The following EVI5 variants were observed in gnomAD, a reference collection of about 807,000 sequenced individuals.
EVI5 encodes ecotropic viral integration site 5 protein homolog.
Under a neutral mutation model 112.0 loss-of-function variants are expected in EVI5, and 73 were observed. The observed-to-expected ratio is 0.65, with a 90% CI of 0.54 to 0.79. The LOEUF (loss-of-function observed/expected upper bound fraction) is 0.79. Ranked by LOEUF, EVI5 falls within the 30% of genes least tolerant of loss-of-function variation. The pLI is 0.00. For missense variants in EVI5, 900 were observed against 968.8 expected (o/e 0.93, Z 0.94); for synonymous variants, 305 against 319.9 (o/e 0.95, Z 0.50).
At position 92,663,403 on chromosome 1, in the gene EVI5, C is replaced by T; in HGVS notation, c.1245+17G>A. ...GAGAAGATGTTTTAAAAAACTAAAACAAAACAAAAACTATACCTGTATCAA... is the reference window on the plus strand; with the variant it reads ...GAGAAGATGTTTTAAAAAACTAAAATAAAACAAAAACTATACCTGTATCAA... On this transcript the variant is annotated intron_variant, in intron 12 of 19. Transcript: ENST00000684568. 5.1e-6 allele frequency: 7 copies of T among 1,362,274 alleles called. No individual in the cohort carries two copies. In the South Asian group the frequency reaches 7.5e-5, roughly 15 times the overall value. The allele number at this position is 1,362,274 out of a possible 1,614,324, so 84.4% of individuals were successfully genotyped here.
chr1:92,688,669 A>G (rs920774974), intron 9 of EVI5, among the ~76,000 whole-genome samples: 2 of 152,226 alleles, frequency 1.3e-5, no homozygotes, highest in African/African-American at 4.8e-5. Flanking sequence ...TGTAGGAAAG[A>G]CTATAGATAG....
At chr1:92,613,027 G>A (rs968026813) in intron 16 of EVI5, among the ~76,000 whole-genome samples, 3 of 152,182 alleles carry the variant, frequency 2.0e-5, no homozygotes, top group Admixed American at 1.3e-4. Context: ...TCATGGTACA[G>A]GACTCAAGAA....
intron 14 of EVI5, among the ~76,000 whole-genome samples, chr1:92,629,661 T>G (rs551833889): frequency 6.6e-6 from 1 of 150,868 alleles, no homozygotes; most frequent in East Asian, 1.9e-4. Flanking sequence ...ATTTTCTTTT[T>G]TTTTCTTTTT....
intron 19 of EVI5, among the ~76,000 whole-genome samples, chr1:92,553,060 T>C (rs560385864): frequency 5.9e-5 from 9 of 152,126 alleles, no homozygotes; most frequent in Middle Eastern, 3.2e-3. Context: ...TTATACTTTA[T>C]GAATATAACA....
intron 18 of EVI5, among the ~76,000 whole-genome samples, chr1:92,598,730 A>T (rs1050914569): frequency 2.6e-5 from 4 of 152,190 alleles, no homozygotes; most frequent in African/African-American, 9.7e-5. Flanking sequence ...TATAGCAAAA[A>T]ACCCACCAAT....
chr1:92,695,805 A>G (rs1670231259), intron 6 of EVI5, among the ~76,000 whole-genome samples: 2 of 152,338 alleles, frequency 1.3e-5, no homozygotes, highest in East Asian at 3.9e-4. Flanking sequence ...AAAGAAAATA[A>G]ATGGTATGTT....
chr1:92,630,741 C>A (rs1367340632), intron 14 of EVI5, among the ~76,000 whole-genome samples: 6 of 152,110 alleles, frequency 3.9e-5, no homozygotes, highest in Admixed American at 3.9e-4. Context: ...GAAGTCCTTG[C>A]CCACGCCTAT....
At chr1:92,537,041 A>T (rs941197530) in intron 19 of EVI5, among the ~76,000 whole-genome samples, 2 of 152,326 alleles carry the variant, frequency 1.3e-5, no homozygotes, top group Admixed American at 6.5e-5. Flanking sequence ...CACTGTGCAG[A>T]CAACTACCAC....
chr1:92,691,333 AAAT>A (rs1669471242), intron 9 of EVI5, among the ~76,000 whole-genome samples: 1 of 152,194 alleles, frequency 6.6e-6, no homozygotes, highest in African/African-American at 2.4e-5. Context: ...ACTTTGAAAA[AAAT>A]AAATATGACA....
At chr1:92,542,187 G>A (rs1002112931) in intron 19 of EVI5, among the ~76,000 whole-genome samples, 7 of 152,080 alleles carry the variant, frequency 4.6e-5, no homozygotes, top group Non-Finnish European at 8.8e-5. Context: ...CTAAGTTTAC[G>A]GAATATTCTA....
chr1:92,515,541 AAAAACC>A (rs1218082019), intron 19 of EVI5, among the ~76,000 whole-genome samples: 1 of 152,186 alleles, frequency 6.6e-6, no homozygotes, highest in Non-Finnish European at 1.5e-5. Flanking sequence ...TGGAAGAGTA[AAAAACC>A]AAAACCAAAA....
At chr1:92,589,927 A>C (rs1431760262) in intron 18 of EVI5, among the ~76,000 whole-genome samples, 1 of 152,190 alleles carries the variant, frequency 6.6e-6, no homozygotes, top group Non-Finnish European at 1.5e-5. Context: ...CTTCCAGAGG[A>C]ACGATCAGGC....
At position 92,586,080 on chromosome 1, in the gene EVI5, A is replaced by C. The variant is rs147449035; in HGVS notation, c.2070+19227T>G. Reference sequence around the variant, plus strand: ...CTAGGGTTATGGGTTATCAAGAGGAATACCAGAGAGGTAAAGTGCCATTTT... The same window carrying C: ...CTAGGGTTATGGGTTATCAAGAGGACTACCAGAGAGGTAAAGTGCCATTTT... On this transcript the variant is annotated intron_variant, in intron 18 of 19. Transcript: ENST00000684568. 3.5e-3 allele frequency among the ~76,000 whole-genome samples: 530 copies of C among 152,280 alleles called. 1 individual carries two copies. Among genetic ancestry groups the C allele is most frequent in the African/African-American group, 0.012 (500 of 41,548 alleles).
chr1:92,704,480 T>C (rs967714123), intron 3 of EVI5, 75 bp downstream of exon 3: 2 of 954,472 alleles, frequency 2.1e-6, no homozygotes, highest in Admixed American at 5.3e-5. Flanking sequence ...TGGGGTTTTT[T>C]TCCCAATCCT....
In EVI5 at chr1:92,512,189, A is replaced by G. The variant is rs1571239013; in HGVS notation, c.*1467T>C. 2 of 152,610 alleles carry G rather than the reference A, an allele frequency of 1.3e-5. No individual in the cohort carries two copies. Among genetic ancestry groups the G allele is most frequent in the East Asian group, 3.8e-4 (2 of 5,200 alleles). 9.5% of individuals were successfully genotyped at this position (152,610 alleles called of 1,614,324 possible). The stretch of plus-strand genomic sequence containing the variant: ...ATATAGGAAAAACTGGTAGGAAAGG[A>G]TTCTTATGGCTTTATCTATAGAACA... On this transcript the variant is annotated 3_prime_UTR_variant, in exon 20 of 20. Coordinates refer to ENST00000684568, the MANE Select transcript of EVI5 (RefSeq NM_001350197.2).
chr1:92,581,082 G>T (rs1489796943), intron 18 of EVI5, among the ~76,000 whole-genome samples: 2 of 152,086 alleles, frequency 1.3e-5, no homozygotes, highest in African/African-American at 2.4e-5. Context: ...CCATGTTCAT[G>T]GCTAGGTGAT....
At chr1:92,719,268 C>T (rs1674339278) in intron 2 of EVI5, among the ~76,000 whole-genome samples, 1 of 151,930 alleles carries the variant, frequency 6.6e-6, no homozygotes. Context: ...GACCAACATC[C>T]CTCATGAACA....
In EVI5 at chr1:92,511,662, C is replaced by G. The variant is rs201284842; in HGVS notation, c.*1994G>C. On this transcript the variant is annotated 3_prime_UTR_variant, in exon 20 of 20. Transcript: ENST00000684568. ...CAGCCTGGACAACACAGTGAGACACCTGTCTCTATATTAAAAAAAATCTTG... is the reference window on the plus strand; with the variant it reads ...CAGCCTGGACAACACAGTGAGACACGTGTCTCTATATTAAAAAAAATCTTG... The G allele has an allele frequency of 1.3e-5, 2 of 152,086 alleles. No homozygotes were observed. Among genetic ancestry groups the G allele is most frequent in the South Asian group, 4.2e-4 (2 of 4,806 alleles). 9.4% of individuals were successfully genotyped at this position (152,086 alleles called of 1,614,324 possible). A position where few individuals can be genotyped will look rare whatever the true frequency, so the allele number is the denominator to read the frequency against.
At chr1:92,636,501 C>T (rs988819792) in intron 13 of EVI5, among the ~76,000 whole-genome samples, 165 bp from the exon 14 acceptor site, 1 of 152,164 alleles carries the variant, frequency 6.6e-6, no homozygotes, top group Admixed American at 6.5e-5. Context: ...TTAACTTCTC[C>T]AATGAGTAAA....
Sources: gnomAD v4.1 joint callset for allele counts (sites outside exome capture counted in the v4.1 genomes callset) on GRCh38, gnomAD v4.1.1 for gene constraint, MANE v1.5 for transcripts, NCBI Gene and HGNC (gene_info 2026-07-23, HGNC 2026-07-21) for gene names.